Variants in KLC3 observed in about 807,000 individuals in gnomAD.
The protein encoded by KLC3 is kinesin light chain 3, also known as kinesin light chain 2.
Under a neutral mutation model 62.9 loss-of-function variants are expected in KLC3, and 72 were observed. The observed-to-expected ratio is 1.15, with a 90% CI of 0.95 to 1.39. The LOEUF (loss-of-function observed/expected upper bound fraction) is 1.39, where lower values mean the gene tolerates loss of function less well. Among genes scored for constraint, KLC3 ranks in the 40% most tolerant of loss-of-function variants. The pLI is 0.00. For missense variants in KLC3, 848 were observed against 691.6 expected (o/e 1.23, Z -2.54); for synonymous variants, 377 against 300.5 (o/e 1.25, Z -2.63).
At chr19:45,343,124 C>T (rs571758434) in intron 1 of KLC3, among the ~76,000 whole-genome samples, 30 of 151,952 alleles carry the variant, frequency 2.0e-4, no homozygotes, top group African/African-American at 4.1e-4. Flanking sequence ...GGGAAACTGG[C>T]GAGGGATCCA....
In KLC3 at chr19:45,348,109, A is replaced by C. The variant is rs1456848430; in HGVS notation, c.728A>C (p.His243Pro). 3.7e-6 allele frequency: 6 copies of C among 1,602,040 alleles called. No individual in the cohort carries two copies. In the African/African-American group the frequency reaches 8.0e-5, roughly 21 times the overall value. The change falls in exon 5 of 13, where the codon CAC (histidine) becomes CCC (proline). Residue 243 changes from histidine to proline, a missense_variant. Physicochemically the swap from His to Pro is moderately conservative, Grantham distance 77 (BLOSUM62 -2). Transcript: ENST00000391946. ...ALEDLERSSG[H>P]CHPDVATMLN... ...GAGGACCTGGAGCGCAGCTCGGGCC[A>C]CTGCCACCCTGACGTGGCCACCATG... is the stretch of plus-strand genomic sequence containing the variant.
At chr19:45,350,011 C>G (rs1971643122) in intron 8 of KLC3, 3 of 446,054 alleles carry the variant, frequency 6.7e-6, no homozygotes, top group Non-Finnish European at 1.2e-5. Flanking sequence ...CAGACAGGCT[C>G]AGAAACAGGA....
chr19:45,350,511 T>C lies in KLC3; in HGVS notation c.1235-3T>C, dbSNP rs570908802. The C allele has an allele frequency of 5.1e-5, 82 of 1,612,810 alleles. No homozygotes were observed. In the East Asian group the frequency reaches 1.8e-3, roughly 35 times the overall value. On this transcript the variant is annotated splice_polypyrimidine_tract_variant and splice_region_variant and intron_variant, in intron 9 of 12. Transcript: ENST00000391946. The stretch of plus-strand genomic sequence containing the variant: ...TCTCAGTGTCCCCCATCTTTCCCCC[T>C]AGGTGCCCCCAACACAGGCACAGCT...
rs1568523161 is a variant in KLC3 at position 45,347,364 on chromosome 19, AC to A, written c.490-82del. The A allele has an allele frequency of 5.0e-5, 53 of 1,069,630 alleles. No homozygotes were observed. In the African/African-American group the frequency reaches 6.1e-4, roughly 12 times the overall value. 66.3% of individuals were successfully genotyped at this position (1,069,630 alleles called of 1,614,324 possible). On this transcript the variant is annotated intron_variant, in intron 3 of 12. Transcript: ENST00000391946. Reference sequence around the variant, plus strand: ...TCAAAAAAAAAAAAAAAACAAAAAAACAAAAACCTGAGATAGAGCCAGGGCC... The same window carrying A: ...TCAAAAAAAAAAAAAAAACAAAAAAAAAAAACCTGAGATAGAGCCAGGGCC...
intron 8 of KLC3, chr19:45,349,985 C>T: frequency 2.4e-6 from 1 of 423,606 alleles, no homozygotes; most frequent in South Asian, 3.4e-5. Flanking sequence ...GGCCATGCCA[C>T]CAGCCCAAAG....
chr19:45,348,661 C>A lies in KLC3; in HGVS notation c.795C>A (p.Tyr265Ter). 6.3e-7 allele frequency: 1 copy of A among 1,586,554 alleles called. No individual in the cohort carries two copies. Among genetic ancestry groups the A allele is most frequent in the Admixed American group, 1.8e-5 (1 of 55,954 alleles). Residue 265 changes from tyrosine (Y) to a stop codon, truncating the protein, a stop_gained, in exon 6 of 13, where the codon TAC becomes TAA. Coordinates refer to ENST00000391946, the MANE Select transcript of KLC3 (RefSeq NM_177417.3). LOFTEE classifies it high-confidence loss of function. ...LALVYRDQNK[Y>*]KEATDLLHDA... ...CCCCCCACAGGGACCAGAACAAGTA[C>A]AAAGAAGCCACAGACCTTCTCCATG...
chr19:45,341,219 T>G (rs1375879370), intron 1 of KLC3, among the ~76,000 whole-genome samples: 1 of 146,448 alleles, frequency 6.8e-6, no homozygotes, highest in Middle Eastern at 3.5e-3. Flanking sequence ...TGTGTGGCTT[T>G]GCGTGTGTGT....
chr19:45,350,698 G>GAGA lies in KLC3; in HGVS notation c.1333_1335dup (p.Lys445dup), dbSNP rs754802873. On this transcript the variant is annotated inframe_insertion, in exon 11 of 13. Coordinates refer to ENST00000391946, the MANE Select transcript of KLC3 (RefSeq NM_177417.3). ...CCGTGAGTCTATCAGGCGAGGAAGT[G>GAGA]AGAAGCTGGTCTCCCGGCTCCGAGG... 3 of 1,613,572 alleles carry GAGA rather than the reference G, an allele frequency of 1.9e-6. No individual in the cohort carries two copies. The highest frequency in any genetic ancestry group is 2.2e-5 in the South Asian group (2 of 91,012).
At chr19:45,343,289 C>G (rs1568520170) in intron 1 of KLC3, among the ~76,000 whole-genome samples, 1 of 152,018 alleles carries the variant, frequency 6.6e-6, no homozygotes, top group African/African-American at 2.4e-5. Flanking sequence ...GTGGGAGAGA[C>G]AGAGTTAGTT....
chr19:45,341,977 G>A (rs2123172768), intron 1 of KLC3, among the ~76,000 whole-genome samples: 1 of 152,138 alleles, frequency 6.6e-6, no homozygotes, highest in South Asian at 2.1e-4. Flanking sequence ...GTGGGACTGT[G>A]CCTATGATTA....
intron 8 of KLC3, chr19:45,349,838 G>A: frequency 1.9e-6 from 1 of 529,374 alleles, no homozygotes; most frequent in South Asian, 2.7e-5. Context: ...AGGCACAGGT[G>A]GCAGCAGCAG....
chr19:45,343,170 G>A (rs966114384), intron 1 of KLC3, among the ~76,000 whole-genome samples: 11 of 152,228 alleles, frequency 7.2e-5, no homozygotes, highest in South Asian at 4.1e-4. Context: ...CTGGAGGTGC[G>A]TTGGGCACAT....
intron 1 of KLC3, among the ~76,000 whole-genome samples, chr19:45,341,909 G>C (rs1284204042): frequency 6.6e-6 from 1 of 152,034 alleles, no homozygotes; most frequent in Non-Finnish European, 1.5e-5. Context: ...ATTTAAGTGG[G>C]ATGCTCCTCC....
intron 1 of KLC3, among the ~76,000 whole-genome samples, chr19:45,344,571 C>T (rs937025627): frequency 1.3e-5 from 2 of 151,944 alleles, no homozygotes; most frequent in African/African-American, 2.4e-5. Flanking sequence ...AATTGTATTT[C>T]GGAGAGGAAA....
At position 45,350,506 on chromosome 19, in the gene KLC3, C is replaced by A. The variant is rs749002991; in HGVS notation, c.1235-8C>A. The A allele has an allele frequency of 3.7e-6, 6 of 1,613,698 alleles. No homozygotes were observed. The highest frequency in any genetic ancestry group is 1.3e-5 in the African/African-American group (1 of 74,824). On this transcript the variant is annotated splice_polypyrimidine_tract_variant and splice_region_variant and intron_variant, in intron 9 of 12. Transcript: ENST00000391946. Reference sequence around the variant, plus strand: ...CCCCATCTCAGTGTCCCCCATCTTTCCCCCTAGGTGCCCCCAACACAGGCA... The same window carrying A: ...CCCCATCTCAGTGTCCCCCATCTTTACCCCTAGGTGCCCCCAACACAGGCA...
At chr19:45,347,259 T>C in intron 3 of KLC3, 188 bp from the exon 4 acceptor site, 1 of 557,574 alleles carries the variant, frequency 1.8e-6, no homozygotes, top group Admixed American at 3.2e-5. Flanking sequence ...GGAGAATGGC[T>C]TGAACCCAGG....
At position 45,348,134 on chromosome 19, in the gene KLC3, G is replaced by C; in HGVS notation, c.753G>C (p.Met251Ile). The change falls in exon 5 of 13, where the codon ATG (methionine) becomes ATC (isoleucine). Residue 251 changes from methionine to isoleucine, a missense_variant. Met to Ile is a conservative substitution (Grantham distance 10, BLOSUM62 1). Coordinates refer to ENST00000391946, the MANE Select transcript of KLC3 (RefSeq NM_177417.3). Reference sequence around the variant, plus strand: ...ACTGCCACCCTGACGTGGCCACCATGCTCAACATCCTGGCGCTGGTGTACC... The same window carrying C: ...ACTGCCACCCTGACGTGGCCACCATCCTCAACATCCTGGCGCTGGTGTACC... ...SGHCHPDVAT[M>I]LNILALVYRD... 6.3e-7 allele frequency: 1 copy of C among 1,598,242 alleles called. No individual in the cohort carries two copies. Among genetic ancestry groups the C allele is most frequent in the Non-Finnish European group, 8.5e-7 (1 of 1,171,958 alleles).
At chr19:45,341,182 G>C (rs959292406) in intron 1 of KLC3, among the ~76,000 whole-genome samples, 5 of 110,220 alleles carry the variant, frequency 4.5e-5, no homozygotes, top group African/African-American at 1.3e-4. Flanking sequence ...CTGCCTGCCT[G>C]TGTTTGTGTG....
At chr19:45,345,290 A>C (rs1468384763) in intron 1 of KLC3, 1 of 610,464 alleles carries the variant, frequency 1.6e-6, no homozygotes, top group Admixed American at 3.0e-5. Flanking sequence ...TCAGGGCAGA[A>C]CCCTGGGTTG....
Sources: allele counts gnomAD v4.1 joint callset (sites outside exome capture counted in the v4.1 genomes callset), GRCh38; gene constraint gnomAD v4.1.1; transcripts MANE v1.5; gene names NCBI Gene and HGNC (gene_info 2026-07-23, HGNC 2026-07-21).